CELF4: variants seen among roughly 807,000 people sequenced by gnomAD.
CELF4 encodes CUGBP Elav-like family member 4.
In CELF4, 18 loss-of-function variants were observed where a neutral mutation model predicts 59.9. The observed-to-expected ratio is 0.30, with a 90% confidence interval of 0.21 to 0.45. The LOEUF (loss-of-function observed/expected upper bound fraction) is 0.45, where lower values mean the gene tolerates loss of function less well. CELF4 is among the 20% of genes least tolerant of loss of function. The pLI is 1.00. For synonymous variants in CELF4, 261 were observed against 267.1 expected (o/e 0.98, Z 0.22); for missense variants, 456 against 689.0 (o/e 0.66, Z 3.79).
intron 2 of CELF4, among the ~76,000 whole-genome samples, chr18:37,447,923 C>T (rs2099752677): frequency 6.6e-6 from 1 of 152,178 alleles, no homozygotes; most frequent in Admixed American, 6.5e-5. Context: ...CAAGCACCTC[C>T]ACCTCTCCTC....
chr18:37,513,352 G>A (rs1050395133), intron 1 of CELF4, among the ~76,000 whole-genome samples: 1 of 152,182 alleles, frequency 6.6e-6, no homozygotes, highest in African/African-American at 2.4e-5. Context: ...AGGTGGGATG[G>A]ACTCCCAGGC....
At chr18:37,457,530 C>G (rs1463135716) in intron 2 of CELF4, among the ~76,000 whole-genome samples, 1 of 152,150 alleles carries the variant, frequency 6.6e-6, no homozygotes, top group Admixed American at 6.5e-5. Context: ...TAATAGGAGC[C>G]ACACAAAGCC....
intron 2 of CELF4, among the ~76,000 whole-genome samples, chr18:37,476,721 G>A (rs2099850387): frequency 6.6e-6 from 1 of 152,126 alleles, no homozygotes; most frequent in African/African-American, 2.4e-5. Flanking sequence ...CCCGGAGCAG[G>A]AGCTCACACA....
At position 37,551,486 on chromosome 18, in the gene CELF4, T is replaced by G. The variant is rs60781498; in HGVS notation, c.286+13870A>C. Among the ~76,000 whole-genome samples the G allele has an allele frequency of 1.6e-4, 24 of 152,306 alleles. No homozygotes were observed. The East Asian group carries it at 4.1e-3, about 26-fold the overall frequency. On this transcript the variant is annotated intron_variant, in intron 1 of 12. Transcript: ENST00000420428. The stretch of plus-strand genomic sequence containing the variant: ...AATATTTTTCCAGCTGCAAGACCAG[T>G]GTCACCCCAGGAAACTGTCCTCAGC...
rs139702863 is a variant in CELF4 at position 37,404,942 on chromosome 18, C to A, written c.369+80583G>T. Among the ~76,000 whole-genome samples the A allele has an allele frequency of 2.1e-3, 320 of 152,294 alleles. 2 individuals carry two copies. The highest frequency in any genetic ancestry group is 2.3e-3 in the Non-Finnish European group (154 of 68,012). ...AGTTCTGTCCCACCCTCTAAAATGT[C>A]TTTGCTATTTGTCCCACCAAACAAA... On this transcript the variant is annotated intron_variant, in intron 2 of 12. Coordinates refer to ENST00000420428, the MANE Select transcript of CELF4 (RefSeq NM_020180.4).
chr18:37,507,285 C>T (rs2099939176), intron 1 of CELF4, among the ~76,000 whole-genome samples: 1 of 152,206 alleles, frequency 6.6e-6, no homozygotes, highest in East Asian at 1.9e-4. Context: ...TCTCTTCTGC[C>T]CCTCACCTTA....
At chr18:37,275,338 G>A (rs1038179041) in intron 3 of CELF4, 95 bp from the exon 4 acceptor site, 4 of 1,382,130 alleles carry the variant, frequency 2.9e-6, no homozygotes, top group Non-Finnish European at 3.8e-6. Context: ...GGAAAGGGAG[G>A]AGCCGGGGAG....
At chr18:37,475,295 T>G (rs2154602747) in intron 2 of CELF4, among the ~76,000 whole-genome samples, 1 of 152,324 alleles carries the variant, frequency 6.6e-6, no homozygotes, top group Non-Finnish European at 1.5e-5. Flanking sequence ...GTGGTTGAAC[T>G]TCTTGTGCCC....
At chr18:37,530,549 C>T (rs376147624) in intron 1 of CELF4, among the ~76,000 whole-genome samples, 1 of 152,156 alleles carries the variant, frequency 6.6e-6, no homozygotes, top group East Asian at 1.9e-4. Flanking sequence ...CCCCCTACCC[C>T]CTGCCACCCC....
intron 2 of CELF4, among the ~76,000 whole-genome samples, chr18:37,469,512 A>T (rs1603641970): frequency 6.6e-6 from 1 of 152,218 alleles, no homozygotes; most frequent in East Asian, 1.9e-4. Flanking sequence ...TGTTGGCAGG[A>T]TTCAAAGCCC....
chr18:37,321,616 C>T (rs2097122859), intron 3 of CELF4, among the ~76,000 whole-genome samples, 187 bp downstream of exon 3: 2 of 152,230 alleles, frequency 1.3e-5, no homozygotes, highest in Non-Finnish European at 1.5e-5. Flanking sequence ...AAACACCCCC[C>T]TTCCCTCCTG....
intron 2 of CELF4, among the ~76,000 whole-genome samples, chr18:37,380,477 C>A (rs1274200943): frequency 6.6e-6 from 1 of 152,190 alleles, no homozygotes; most frequent in Non-Finnish European, 1.5e-5. Flanking sequence ...AACCATCAGT[C>A]ATTCTTCCAC....
At chr18:37,352,613 A>T (rs538178938) in intron 2 of CELF4, among the ~76,000 whole-genome samples, 2,265 of 150,144 alleles carry the variant, frequency 0.015, 67 homozygotes, top group African/African-American at 0.054. Flanking sequence ...AATTAAAAAT[A>T]AAAAAAAGAA....
At chr18:37,553,608 T>C (rs2099983896) in intron 1 of CELF4, among the ~76,000 whole-genome samples, 1 of 152,222 alleles carries the variant, frequency 6.6e-6, no homozygotes, top group Non-Finnish European at 1.5e-5. Flanking sequence ...CTCACATGGA[T>C]ACAGAAATGA....
chr18:37,488,579 C>A (rs2099887515), intron 1 of CELF4, among the ~76,000 whole-genome samples: 1 of 152,030 alleles, frequency 6.6e-6, no homozygotes, highest in African/African-American at 2.4e-5. Context: ...TAAGTGGGTT[C>A]CTGATGGGAG....
At chr18:37,468,763 A>G (rs2099814555) in intron 2 of CELF4, among the ~76,000 whole-genome samples, 1 of 152,148 alleles carries the variant, frequency 6.6e-6, no homozygotes, top group African/African-American at 2.4e-5. Flanking sequence ...CTTACATGGC[A>G]GCAGGGGAGA....
At chr18:37,502,169 C>T (rs1419549644) in intron 1 of CELF4, among the ~76,000 whole-genome samples, 2 of 152,140 alleles carry the variant, frequency 1.3e-5, no homozygotes, top group Non-Finnish European at 2.9e-5. Context: ...GCCCTCTGGA[C>T]TCGAGCTAAC....
chr18:37,316,559 G>A (rs1192032617), intron 3 of CELF4, among the ~76,000 whole-genome samples: 1 of 151,988 alleles, frequency 6.6e-6, no homozygotes, highest in East Asian at 1.9e-4. Context: ...GCTTCCAATG[G>A]TGACAAGCCC....
chr18:37,431,139 G>C (rs1380967560), intron 2 of CELF4, among the ~76,000 whole-genome samples: 1 of 152,118 alleles, frequency 6.6e-6, no homozygotes, highest in East Asian at 1.9e-4. Context: ...TCCTCTGTCT[G>C]GGGACAGCTC....
Sources: allele counts gnomAD v4.1 joint callset (sites outside exome capture counted in the v4.1 genomes callset), GRCh38; gene constraint gnomAD v4.1.1; transcripts MANE v1.5; gene names NCBI Gene and HGNC (gene_info 2026-07-23, HGNC 2026-07-21).